Variants in CFAP46 observed in about 807,000 individuals in gnomAD.
CFAP46 encodes cilia- and flagella-associated protein 46.
CFAP46 carries 245 observed loss-of-function variants against 325.7 expected under a neutral mutation model. That is an observed-to-expected ratio of 0.75 (90% CI 0.68 to 0.84). The LOEUF (loss-of-function observed/expected upper bound fraction) is 0.84. Ranked by LOEUF, CFAP46 falls within the 40% of genes least tolerant of loss-of-function variation. CFAP46 has a pLI of 0.00. For missense variants in CFAP46, 3,346 were observed against 3,543.0 expected (o/e 0.94, Z 1.41); for synonymous variants, 1,523 against 1,495.9 (o/e 1.02, Z -0.42).
In CFAP46 at chr10:132,908,592, C is replaced by G. The variant is rs778929901; in HGVS notation, c.2800G>C (p.Val934Leu). The G allele has an allele frequency of 9.0e-6, 14 of 1,549,162 alleles. No homozygotes were observed. In the African/African-American group the frequency reaches 1.9e-4, roughly 21 times the overall value. The change falls in exon 22 of 58, where the codon GTG (valine) becomes CTG (leucine). Residue 934 changes from valine to leucine, a missense_variant. Physicochemically the swap from Val to Leu is conservative, Grantham distance 32. Coordinates refer to ENST00000368586, the MANE Select transcript of CFAP46 (RefSeq NM_001200049.3). ...AGCCGCGTCAGGGTCTGCAGCTCCA[C>G]CAGGGGGTCCGACCAGTTGCACTCG... ...ASECNWSDPL[V>L]ELQTLTRLTH...
At chr10:132,836,275 C>T (rs747142173) in intron 45 of CFAP46, 57 bp from the exon 46 acceptor site, 43 of 1,537,850 alleles carry the variant, frequency 2.8e-5, no homozygotes, top group Non-Finnish European at 3.6e-5. Flanking sequence ...ACACACCTCA[C>T]AGCCCAGCTC....
At chr10:132,854,429 C>T (rs977939741) in intron 39 of CFAP46, among the ~76,000 whole-genome samples, 1 of 152,172 alleles carries the variant, frequency 6.6e-6, no homozygotes, top group Non-Finnish European at 1.5e-5. Flanking sequence ...CTCTTCCCCC[C>T]CAGGTTCACG....
chr10:132,823,290 TGTGTGTTGTGTGTGCTGTGTG>T (rs1322542311), intron 50 of CFAP46, among the ~76,000 whole-genome samples: 1 of 110,958 alleles, frequency 9.0e-6, no homozygotes. Context: ...CTGTGTGTGC[TGTGTGTTGTGTGTGCTGTGTG>T]AGTGCTGATG....
At position 132,877,061 on chromosome 10, in the gene CFAP46, C is replaced by T; in HGVS notation, c.4213-100G>A. The T allele has an allele frequency of 1.6e-6, 2 of 1,257,138 alleles. No homozygotes were observed. Among genetic ancestry groups the T allele is most frequent in the Admixed American group, 2.5e-5 (1 of 39,476 alleles). The allele number at this position is 1,257,138 out of a possible 1,614,324, so 77.9% of individuals were successfully genotyped here. The stretch of plus-strand genomic sequence containing the variant: ...GGCTGTGCAGCATTCAGGCCACAGC[C>T]CTGGGCAGCCGGCATCCTCCCCACC... On this transcript the variant is annotated intron_variant, in intron 30 of 57. Transcript: ENST00000368586. This position sits in a 1 kb window ranked among gnomAD's most constrained non-coding sequence, Gnocchi z 5.7.
chr10:132,813,657 G>A (rs77520364), intron 54 of CFAP46, among the ~76,000 whole-genome samples: 1,858 of 64,682 alleles, frequency 0.029, 263 homozygotes, highest in African/African-American at 0.1. Context: ...CTGCAGCCCC[G>A]CCCCTGCACA....
intron 19 of CFAP46, 86 bp downstream of exon 19, chr10:132,912,569 T>A: frequency 2.3e-6 from 2 of 866,742 alleles, no homozygotes; most frequent in Non-Finnish European, 3.1e-6. Flanking sequence ...CTCTCTCCTC[T>A]TTCACCTCTC....
intron 7 of CFAP46, among the ~76,000 whole-genome samples, chr10:132,935,862 C>A (rs187622631): frequency 2.6e-4 from 35 of 135,184 alleles, no homozygotes; most frequent in African/African-American, 9.6e-4. Flanking sequence ...TCCTCACAGC[C>A]CTCAGCACCC....
intron 22 of CFAP46, among the ~76,000 whole-genome samples, chr10:132,903,404 A>G (rs1488176616): frequency 6.6e-6 from 1 of 152,152 alleles, no homozygotes; most frequent in Non-Finnish European, 1.5e-5. Flanking sequence ...CTCAGCTGCT[A>G]CAGCCTCAAG....
At chr10:132,851,049 G>T (rs778919541) in intron 40 of CFAP46, 68 bp downstream of exon 40, 1 of 1,574,916 alleles carries the variant, frequency 6.3e-7, no homozygotes, top group Non-Finnish European at 8.7e-7. Context: ...CTGCTGGAAC[G>T]GGGGTCCCAT....
In CFAP46 at chr10:132,918,319, G is replaced by A. The variant is rs1400358188; in HGVS notation, c.1986+74C>T. 2.8e-5 allele frequency: 25 copies of A among 885,222 alleles called. No individual in the cohort carries two copies. In the African/African-American group the frequency reaches 5.9e-4, roughly 21 times the overall value. The allele number at this position is 885,222 out of a possible 1,614,324, so 54.8% of individuals were successfully genotyped here. On this transcript the variant is annotated intron_variant, in intron 16 of 57. Transcript: ENST00000368586. ...ACCGATGAACGCCCCTCTCCACGAC[G>A]CACCTCAGCACCGATGAACCCCCCT...
Position 132,942,540 on chromosome 10 carries a change from C to T in CFAP46, c.-56G>A. The T allele has an allele frequency of 1.6e-6, 2 of 1,240,318 alleles. No individual in the cohort carries two copies. Among genetic ancestry groups the T allele is most frequent in the Non-Finnish European group, 2.0e-6 (2 of 988,830 alleles). The allele number at this position is 1,240,318 out of a possible 1,614,324, so 76.8% of individuals were successfully genotyped here. A position where few individuals can be genotyped will look rare whatever the true frequency, so the allele number is the denominator to read the frequency against. On this transcript the variant is annotated 5_prime_UTR_variant, in exon 1 of 58. Transcript: ENST00000368586. Reference sequence around the variant, plus strand: ...CGGGGTCCGCGGTGCGTCCTGCCGCCCACTGTCGGTTGGGTTCTCCAGCCG... The same window carrying T: ...CGGGGTCCGCGGTGCGTCCTGCCGCTCACTGTCGGTTGGGTTCTCCAGCCG...
In CFAP46 at chr10:132,822,708, CTGA is replaced by C. The variant is rs1469496087; in HGVS notation, c.7118-7797_7118-7795del. On this transcript the variant is annotated intron_variant, in intron 50 of 57. Coordinates refer to ENST00000368586, the MANE Select transcript of CFAP46 (RefSeq NM_001200049.3). ...TGTGCTGATGTGTGCTGTGTGAGTG[CTGA>C]TGTGTGCTGATGTGTGCTGTGTGTG... 4.9e-5 allele frequency among the ~76,000 whole-genome samples: 5 copies of C among 102,376 alleles called. No individual in the cohort carries two copies. In the East Asian group the frequency reaches 1.3e-3, roughly 26 times the overall value. The allele number at this position is 102,376 out of a possible 152,430, so 67.2% of individuals were successfully genotyped here. A position where few individuals can be genotyped will look rare whatever the true frequency, so the allele number is the denominator to read the frequency against.
Position 132,835,573 on chromosome 10 carries a change from G to T in CFAP46, c.6614-139C>A, listed in dbSNP as rs894372182. 6 of 1,061,142 alleles carry T rather than the reference G, an allele frequency of 5.7e-6. No individual in the cohort carries two copies. The African/African-American group carries it at 9.5e-5, about 17-fold the overall frequency. 65.7% of individuals were successfully genotyped at this position (1,061,142 alleles called of 1,614,324 possible). On this transcript the variant is annotated intron_variant, in intron 46 of 57. Coordinates refer to ENST00000368586, the MANE Select transcript of CFAP46 (RefSeq NM_001200049.3). Reference sequence around the variant, plus strand: ...ATGGAAGTCCCTTCCTTCATGTGGGGTCCCCCTGGTCCCATGCTGTGGAGA... The same window carrying T: ...ATGGAAGTCCCTTCCTTCATGTGGGTTCCCCCTGGTCCCATGCTGTGGAGA...
At position 132,889,074 on chromosome 10, in the gene CFAP46, C is replaced by T. The variant is rs912456675; in HGVS notation, c.3305-3115G>A. On this transcript the variant is annotated intron_variant, in intron 25 of 57. Coordinates refer to ENST00000368586, the MANE Select transcript of CFAP46 (RefSeq NM_001200049.3). The surrounding 1 kb of genome is among the most constrained non-coding windows in gnomAD (Gnocchi z 6.0). Reference sequence around the variant, plus strand: ...GCTTTTCTGTAATTTTAAAGATAAACAGTATGACCCCAAGGAAAGACAAAC... The same window carrying T: ...GCTTTTCTGTAATTTTAAAGATAAATAGTATGACCCCAAGGAAAGACAAAC... Among the ~76,000 whole-genome samples the T allele has an allele frequency of 6.6e-6, 1 of 152,170 alleles. No homozygotes were observed. Among genetic ancestry groups the T allele is most frequent in the Non-Finnish European group, 1.5e-5 (1 of 68,040 alleles).
At chr10:132,922,786 G>T in intron 11 of CFAP46, 78 bp from the exon 12 acceptor site, 1 of 1,129,686 alleles carries the variant, frequency 8.9e-7, no homozygotes, top group Non-Finnish European at 1.3e-6. Flanking sequence ...TCCAGAGGAA[G>T]GCCTGCAGTG....
At position 132,826,913 on chromosome 10, in the gene CFAP46, G is replaced by A. The variant is rs563356029; in HGVS notation, c.7117+6445C>T. 2.6e-5 allele frequency among the ~76,000 whole-genome samples: 4 copies of A among 152,380 alleles called. No individual in the cohort carries two copies. In the South Asian group the frequency reaches 8.3e-4, roughly 32 times the overall value. ...CAGTACAGTCAGGAGGGTGGGCGCT[G>A]TGGGCGGCGAGCTGGGCTGGGGAAG... On this transcript the variant is annotated intron_variant, in intron 50 of 57. Transcript: ENST00000368586.
At chr10:132,841,361 A>G (rs1045248935) in intron 44 of CFAP46, among the ~76,000 whole-genome samples, 1 of 152,244 alleles carries the variant, frequency 6.6e-6, no homozygotes, top group Non-Finnish European at 1.5e-5. Context: ...AATTCAGGGA[A>G]TGGTCTCTTC....
At chr10:132,863,851 T>C (rs1244168419) in intron 35 of CFAP46, among the ~76,000 whole-genome samples, 2 of 106,422 alleles carry the variant, frequency 1.9e-5, no homozygotes, top group East Asian at 3.2e-4. Context: ...CACCTGTCCC[T>C]GCTATCAGAG....
Position 132,850,276 on chromosome 10 carries a change from G to C in CFAP46, c.5920C>G (p.His1974Asp). 1 of 1,550,830 alleles carries C rather than the reference G, an allele frequency of 6.4e-7. No homozygotes were observed. Among genetic ancestry groups the C allele is most frequent in the Non-Finnish European group, 8.7e-7 (1 of 1,147,000 alleles). ...CCCGCCTCCCAGTAGCAGGTAGGGT[G>C]CACAGGGTCAGCTTGCATGGCCAGC... ...HLLAMQADPV[H>D]PTCYWEAGPS... The change falls in exon 41 of 58, where the codon CAC (histidine) becomes GAC (aspartate). Residue 1974 changes from histidine to aspartate, a missense_variant. Physicochemically the swap from His to Asp is moderately conservative, Grantham distance 81. Transcript: ENST00000368586.
Sources: allele counts gnomAD v4.1 joint callset (sites outside exome capture counted in the v4.1 genomes callset), GRCh38; gene constraint gnomAD v4.1.1; non-coding constraint Gnocchi (gnomAD v3.1); transcripts MANE v1.5; gene names NCBI Gene and HGNC (gene_info 2026-07-23, HGNC 2026-07-21).